SDCCAG8: variants seen among roughly 807,000 people sequenced by gnomAD.
SDCCAG8 encodes the protein serologically defined colon cancer antigen 8.
Under a neutral mutation model 101.8 loss-of-function variants are expected in SDCCAG8, and 74 were observed. The ratio of observed to expected loss-of-function variants is 0.73; its 90% confidence interval spans 0.60 to 0.88. The LOEUF (loss-of-function observed/expected upper bound fraction) is 0.88, where lower values mean the gene tolerates loss of function less well. Ranked by LOEUF, SDCCAG8 falls within the 40% of genes least tolerant of loss-of-function variation. SDCCAG8 has a pLI of 0.00. For synonymous variants in SDCCAG8, 281 were observed against 292.9 expected (o/e 0.96, Z 0.41); for missense variants, 787 against 822.6 (o/e 0.96, Z 0.53).
chr1:243,467,059 TG>T (rs917731347), intron 16 of SDCCAG8, among the ~76,000 whole-genome samples: 7 of 152,202 alleles, frequency 4.6e-5, no homozygotes, highest in African/African-American at 1.2e-4. Flanking sequence ...GTTGGAAACC[TG>T]GGGGGCACCT....
intron 6 of SDCCAG8, among the ~76,000 whole-genome samples, chr1:243,297,559 A>C (rs2071054405): frequency 6.6e-6 from 1 of 151,984 alleles, no homozygotes. Flanking sequence ...ATCAGTTTAC[A>C]CTCCTACCAG....
intron 5 of SDCCAG8, among the ~76,000 whole-genome samples, 168 bp from the exon 6 acceptor site, chr1:243,292,923 T>C (rs1234864207): frequency 6.6e-6 from 1 of 152,200 alleles, no homozygotes; most frequent in African/African-American, 2.4e-5. Flanking sequence ...GCAACACTTG[T>C]AGAATATGAC....
intron 12 of SDCCAG8, among the ~76,000 whole-genome samples, chr1:243,353,318 G>A (rs185962791): frequency 2.5e-4 from 37 of 150,964 alleles, no homozygotes; most frequent in African/African-American, 9.0e-4. Flanking sequence ...TGGTAAAACC[G>A]TGCATCTACT....
intron 17 of SDCCAG8, among the ~76,000 whole-genome samples, chr1:243,490,373 C>G (rs1030241385): frequency 3.3e-5 from 5 of 152,240 alleles, no homozygotes; most frequent in African/African-American, 1.2e-4. Flanking sequence ...CACAGCTAAT[C>G]TAGGAGGCGA....
intron 16 of SDCCAG8, among the ~76,000 whole-genome samples, chr1:243,433,667 T>G (rs6682940): frequency 0.011 from 1,687 of 152,306 alleles, 35 homozygotes; most frequent in African/African-American, 0.039. Context: ...TATTGAGATT[T>G]GGAGTGTATG....
chr1:243,424,848 G>A (rs1172623781), intron 15 of SDCCAG8, among the ~76,000 whole-genome samples: 2 of 151,656 alleles, frequency 1.3e-5, no homozygotes, highest in African/African-American at 2.4e-5. Flanking sequence ...TTTTAAAAGT[G>A]CCTTTTGCTT....
chr1:243,484,767 C>T (rs373302233), intron 16 of SDCCAG8, among the ~76,000 whole-genome samples: 56 of 152,248 alleles, frequency 3.7e-4, no homozygotes, highest in Middle Eastern at 3.4e-3. Flanking sequence ...AGGTGTTGGC[C>T]GGGCGCGGTG....
At chr1:243,345,523 G>C (rs1367625315) in intron 12 of SDCCAG8, among the ~76,000 whole-genome samples, 4 of 152,100 alleles carry the variant, frequency 2.6e-5, no homozygotes, top group African/African-American at 7.2e-5. Context: ...TGAAGGCCTA[G>C]GTCTACTAAG....
At chr1:243,448,614 G>A (rs919254085) in intron 16 of SDCCAG8, among the ~76,000 whole-genome samples, 1 of 152,126 alleles carries the variant, frequency 6.6e-6, no homozygotes, top group Non-Finnish European at 1.5e-5. Context: ...CAAGACACAG[G>A]TCAGCCATCA....
intron 5 of SDCCAG8, among the ~76,000 whole-genome samples, chr1:243,290,212 G>A (rs1452054381): frequency 3.8e-5 from 4 of 105,248 alleles, no homozygotes; most frequent in Non-Finnish European, 5.8e-5. Flanking sequence ...CCCGCCCCCC[G>A]ATCCCCTGCC....
chr1:243,446,812 G>A (rs1416452404), intron 16 of SDCCAG8, among the ~76,000 whole-genome samples: 2 of 152,050 alleles, frequency 1.3e-5, no homozygotes, highest in Non-Finnish European at 2.9e-5. Context: ...GCCCAGTTGG[G>A]GCTGCTTGGG....
chr1:243,444,167 C>A (rs569202943), intron 16 of SDCCAG8, among the ~76,000 whole-genome samples: 1 of 151,996 alleles, frequency 6.6e-6, no homozygotes, highest in Non-Finnish European at 1.5e-5. Context: ...AATTCAGACA[C>A]CATTTTAATT....
chr1:243,291,404 T>C (rs1377847986), intron 5 of SDCCAG8, among the ~76,000 whole-genome samples: 1 of 152,186 alleles, frequency 6.6e-6, no homozygotes, highest in Non-Finnish European at 1.5e-5. Context: ...ACCAGATATC[T>C]GGTAATATGA....
chr1:243,269,882 G>A (rs958556771), intron 1 of SDCCAG8, among the ~76,000 whole-genome samples: 4 of 152,136 alleles, frequency 2.6e-5, no homozygotes, highest in African/African-American at 7.2e-5. Flanking sequence ...TGCTACAGTG[G>A]TAGGGGCCTT....
chr1:243,483,222 G>A (rs1664106704), intron 16 of SDCCAG8, among the ~76,000 whole-genome samples: 1 of 152,060 alleles, frequency 6.6e-6, no homozygotes, highest in Non-Finnish European at 1.5e-5. Flanking sequence ...GCGGGCGCCC[G>A]GGTCTTCCTC....
intron 16 of SDCCAG8, among the ~76,000 whole-genome samples, chr1:243,439,182 C>G (rs748108033): frequency 6.6e-6 from 1 of 152,038 alleles, no homozygotes; most frequent in African/African-American, 2.4e-5. Context: ...GAGACAGGGT[C>G]TCACTCTGTC....
chr1:243,407,654 T>G (rs1230585039), intron 13 of SDCCAG8, among the ~76,000 whole-genome samples: 1 of 152,202 alleles, frequency 6.6e-6, no homozygotes, highest in Non-Finnish European at 1.5e-5. Flanking sequence ...TTAGAGATGT[T>G]TCTGTTAAAT....
intron 17 of SDCCAG8, among the ~76,000 whole-genome samples, chr1:243,491,609 G>A (rs1178665640): frequency 6.6e-6 from 1 of 152,234 alleles, no homozygotes; most frequent in Non-Finnish European, 1.5e-5. Flanking sequence ...TCTAGGTAGG[G>A]GCTGTCAGTG....
chr1:243,480,054 G>GT (rs1663150528), intron 16 of SDCCAG8, among the ~76,000 whole-genome samples: 1 of 151,470 alleles, frequency 6.6e-6, no homozygotes, highest in African/African-American at 2.4e-5. Flanking sequence ...AGCTTGTGAT[G>GT]TCCCCCATTT....
Sources: allele counts gnomAD v4.1 joint callset (sites outside exome capture counted in the v4.1 genomes callset), GRCh38; gene constraint gnomAD v4.1.1; transcripts MANE v1.5; gene names NCBI Gene and HGNC (gene_info 2026-07-23, HGNC 2026-07-21).